PITPNC1: variants seen among roughly 807,000 people sequenced by gnomAD.
PITPNC1 encodes cytoplasmic phosphatidylinositol transfer protein 1.
In PITPNC1, 18 loss-of-function variants were observed where a neutral mutation model predicts 44.7. The ratio of observed to expected loss-of-function variants is 0.40; its 90% CI spans 0.28 to 0.60. PITPNC1 has a LOEUF of 0.60. Ranked by LOEUF, PITPNC1 falls within the 20% of genes least tolerant of loss-of-function variation. The probability of loss-of-function intolerance (pLI) is 0.39; values close to 1 mark genes in which losing one functional copy is unlikely to be tolerated. For synonymous variants in PITPNC1, 141 were observed against 149.6 expected, an observed-to-expected ratio of 0.94 and a Z score of 0.42; for missense variants, 290 against 418.4, an observed-to-expected ratio of 0.69 and a Z score of 2.68.
At chr17:67,679,465 C>A (rs546418260) in intron 8 of PITPNC1, among the ~76,000 whole-genome samples, 1 of 152,338 alleles carries the variant, frequency 6.6e-6, no homozygotes, top group African/African-American at 2.4e-5. Flanking sequence ...ATACAGTGCA[C>A]AAACTGTACA....
At chr17:67,512,501 A>C (rs1191296927) in intron 1 of PITPNC1, among the ~76,000 whole-genome samples, 2 of 98,670 alleles carry the variant, frequency 2.0e-5, no homozygotes, top group Non-Finnish European at 2.2e-5. Flanking sequence ...ACTGTGTCTC[A>C]AAAAAAAAAA....
At chr17:67,444,050 G>A (rs1404418789) in intron 1 of PITPNC1, among the ~76,000 whole-genome samples, 2 of 151,964 alleles carry the variant, frequency 1.3e-5, no homozygotes, top group Non-Finnish European at 2.9e-5. Context: ...TAAAATTGTA[G>A]CAAAAATAGA....
intron 6 of PITPNC1, among the ~76,000 whole-genome samples, chr17:67,636,837 A>G (rs2042038759): frequency 6.6e-6 from 1 of 152,094 alleles, no homozygotes; most frequent in African/African-American, 2.4e-5. Flanking sequence ...CAAATGTCTA[A>G]CTGGCACACT....
At chr17:67,451,934 C>T (rs2039184188) in intron 1 of PITPNC1, among the ~76,000 whole-genome samples, 1 of 151,950 alleles carries the variant, frequency 6.6e-6, no homozygotes, top group African/African-American at 2.4e-5. Context: ...CCACGCCTGG[C>T]CGAGACTGGC....
chr17:67,582,696 C>T (rs973489529), intron 5 of PITPNC1, among the ~76,000 whole-genome samples: 3 of 152,108 alleles, frequency 2.0e-5, no homozygotes, highest in African/African-American at 7.2e-5. Context: ...AACCAGGATG[C>T]AATGGGGAAG....
At chr17:67,677,548 G>A (rs1246894779) in intron 8 of PITPNC1, among the ~76,000 whole-genome samples, 1 of 151,930 alleles carries the variant, frequency 6.6e-6, no homozygotes. Flanking sequence ...CTGAGCCTAG[G>A]GCAAGGAAGA....
At chr17:67,522,807 C>T (rs920007797) in intron 1 of PITPNC1, among the ~76,000 whole-genome samples, 2 of 151,876 alleles carry the variant, frequency 1.3e-5, no homozygotes, top group African/African-American at 2.4e-5. Flanking sequence ...GGACTACAGG[C>T]GTGTGCCACC....
Position 67,547,467 on chromosome 17 carries a change from G to A in PITPNC1, c.198-4790G>A, listed in dbSNP as rs114468864. On this transcript the variant is annotated intron_variant, in intron 2 of 8. Transcript: ENST00000581322. Reference sequence around the variant, plus strand: ...GGAAGTCAAGGCTGCAGTGAGATACGATCATGCCACTGTACTCCAGCCTGG... The same window carrying A: ...GGAAGTCAAGGCTGCAGTGAGATACAATCATGCCACTGTACTCCAGCCTGG... Among the ~76,000 whole-genome samples the A allele has an allele frequency of 8.4e-3, 1,283 of 152,270 alleles. 19 individuals are homozygous for A. The highest frequency in any genetic ancestry group is 0.029 in the African/African-American group (1,191 of 41,544).
chr17:67,642,846 T>C (rs1039701282), intron 6 of PITPNC1, among the ~76,000 whole-genome samples: 1 of 152,194 alleles, frequency 6.6e-6, no homozygotes, highest in Admixed American at 6.5e-5. Flanking sequence ...TTTTCATTTT[T>C]TTTTTTAATT....
intron 8 of PITPNC1, among the ~76,000 whole-genome samples, chr17:67,685,270 G>A (rs1240287535): frequency 6.6e-6 from 1 of 152,216 alleles, no homozygotes; most frequent in African/African-American, 2.4e-5. Flanking sequence ...TGGCCAAGCT[G>A]CTGCTTAGCA....
chr17:67,677,784 T>C (rs868410302), intron 8 of PITPNC1, among the ~76,000 whole-genome samples: 16 of 151,758 alleles, frequency 1.1e-4, no homozygotes, highest in Admixed American at 2.0e-4. Context: ...GCTGGCCAGG[T>C]TGGTCTCAAA....
intron 1 of PITPNC1, among the ~76,000 whole-genome samples, chr17:67,494,187 T>TTTC (rs371733416): frequency 3.0e-4 from 17 of 56,448 alleles, no homozygotes; most frequent in South Asian, 1.2e-3. Flanking sequence ...TTCTTTCTTT[T>TTTC]TCTTTCTTTC....
At chr17:67,599,940 G>A (rs753535623) in intron 5 of PITPNC1, among the ~76,000 whole-genome samples, 4 of 152,152 alleles carry the variant, frequency 2.6e-5, no homozygotes, top group East Asian at 3.8e-4. Flanking sequence ...TCAAAAACTC[G>A]GAAGGATGAG....
At chr17:67,642,841 A>AT (rs914790071) in intron 6 of PITPNC1, among the ~76,000 whole-genome samples, 96 of 147,846 alleles carry the variant, frequency 6.5e-4, no homozygotes, top group Middle Eastern at 3.5e-3. Flanking sequence ...AAGAGTTTTC[A>AT]TTTTTTTTTT....
At position 67,506,453 on chromosome 17, in the gene PITPNC1, G is replaced by GT. The variant is rs1377443487; in HGVS notation, c.49-26343dup. On this transcript the variant is annotated intron_variant, in intron 1 of 8. Coordinates refer to ENST00000581322, the MANE Select transcript of PITPNC1 (RefSeq NM_012417.4). ...CCCTCATGGGGTGGGGAAAGCAGTA[G>GT]TTTTTTCAGGTGTAACTGACTTTTA... Among the ~76,000 whole-genome samples the GT allele has an allele frequency of 8.5e-5, 13 of 152,104 alleles. 1 individual carries two copies. Among genetic ancestry groups the GT allele is most frequent in the Admixed American group, 8.5e-4 (13 of 15,272 alleles).
chr17:67,523,311 T>C (rs2040351591), intron 1 of PITPNC1, among the ~76,000 whole-genome samples: 1 of 152,218 alleles, frequency 6.6e-6, no homozygotes, highest in African/African-American at 2.4e-5. Flanking sequence ...GTTTTGGCAT[T>C]GTACAAGTAT....
At chr17:67,389,403 G>A (rs1339017690) in intron 1 of PITPNC1, among the ~76,000 whole-genome samples, 3 of 152,150 alleles carry the variant, frequency 2.0e-5, no homozygotes, top group Admixed American at 6.5e-5. Flanking sequence ...TGGAAAACAG[G>A]GCTATGGAAG....
At chr17:67,505,074 C>T (rs754104783) in intron 1 of PITPNC1, among the ~76,000 whole-genome samples, 5 of 152,166 alleles carry the variant, frequency 3.3e-5, no homozygotes, top group East Asian at 1.9e-4. Flanking sequence ...CCATTGTTGT[C>T]GGAGAACTTG....
chr17:67,416,620 T>C (rs1293753680), intron 1 of PITPNC1, among the ~76,000 whole-genome samples: 1 of 152,182 alleles, frequency 6.6e-6, no homozygotes, highest in Non-Finnish European at 1.5e-5. Context: ...CCACCTCTTA[T>C]CCTGGTTCCC....
Sources: allele counts gnomAD v4.1 joint callset (sites outside exome capture counted in the v4.1 genomes callset), GRCh38; gene constraint gnomAD v4.1.1; transcripts MANE v1.5; gene names NCBI Gene and HGNC (gene_info 2026-07-23, HGNC 2026-07-21).